Variants in MAP3K7 observed in about 807,000 individuals in gnomAD.
MAP3K7 encodes mitogen-activated protein kinase kinase kinase 7.
Under a neutral mutation model 84.8 loss-of-function variants are expected in MAP3K7, and 21 were observed. The observed-to-expected ratio is 0.25, with a 90% CI of 0.18 to 0.36. MAP3K7 has a LOEUF of 0.36. Among genes scored for constraint, MAP3K7 ranks in the 10% least tolerant of loss-of-function variants. MAP3K7 has a pLI of 1.00. For synonymous variants in MAP3K7, 241 were observed against 247.7 expected (o/e 0.97, Z 0.25); for missense variants, 503 against 747.7 (o/e 0.67, Z 3.82).
chr6:90,560,354 T>TTA (rs1202482683), intron 4 of MAP3K7, 140 bp from the exon 5 acceptor site: 1 of 882,990 alleles, frequency 1.1e-6, no homozygotes, highest in Non-Finnish European at 1.7e-6. Context: ...TTTTAATTTT[T>TTA]TACTTTCTTT....
chr6:90,560,478 C>T (rs1156530786), intron 4 of MAP3K7, among the ~76,000 whole-genome samples: 1 of 152,204 alleles, frequency 6.6e-6, no homozygotes, highest in East Asian at 1.9e-4. Flanking sequence ...TCTCCTGGCT[C>T]AGCCTCCCGA....
intron 12 of MAP3K7, among the ~76,000 whole-genome samples, chr6:90,541,557 C>T (rs62409066): frequency 6.6e-6 from 1 of 151,854 alleles, no homozygotes; most frequent in African/African-American, 2.4e-5. Flanking sequence ...GAAGGGTTAC[C>T]GTACAAAAGT....
intron 13 of MAP3K7, among the ~76,000 whole-genome samples, chr6:90,534,440 C>A (rs1011282428): frequency 6.6e-6 from 1 of 152,142 alleles, no homozygotes; most frequent in Admixed American, 6.6e-5. Flanking sequence ...TGTGGCTACA[C>A]AATGGTCATA....
chr6:90,566,761 C>G (rs1387157270), intron 3 of MAP3K7, among the ~76,000 whole-genome samples: 5 of 152,150 alleles, frequency 3.3e-5, no homozygotes, highest in Non-Finnish European at 1.5e-5. Flanking sequence ...CCAAGACAAT[C>G]CTAAGCCAAA....
At chr6:90,542,354 C>T (rs942091754) in intron 12 of MAP3K7, 1 of 984,052 alleles carries the variant, frequency 1.0e-6, no homozygotes. Flanking sequence ...TGTTTGATAT[C>T]TGAGGGGGGA....
At chr6:90,576,103 C>G (rs1162841019) in intron 1 of MAP3K7, among the ~76,000 whole-genome samples, 1 of 152,024 alleles carries the variant, frequency 6.6e-6, no homozygotes. Flanking sequence ...CAGCTCCAGG[C>G]TGGGCAGTTT....
In MAP3K7 at chr6:90,523,658, T is replaced by A. The variant is rs866871764; in HGVS notation, c.1462+20A>T. On this transcript the variant is annotated intron_variant, in intron 14 of 16. Transcript: ENST00000369329. ...CATGACTGATTCAACTTCATAAGTA[T>A]GAAGAAACAGACTGGTCACCTGTGG... The A allele has an allele frequency of 3.3e-6, 5 of 1,528,380 alleles. No individual in the cohort carries two copies. In the East Asian group the frequency reaches 9.0e-5, roughly 27 times the overall value. 94.7% of individuals were successfully genotyped at this position (1,528,380 alleles called of 1,614,324 possible). A position where few individuals can be genotyped will look rare whatever the true frequency, so the allele number is the denominator to read the frequency against.
intron 8 of MAP3K7, chr6:90,551,794 T>C: frequency 3.2e-6 from 1 of 315,596 alleles, no homozygotes; most frequent in Non-Finnish European, 5.9e-6. Context: ...AACATACTTG[T>C]CCACTAATGT....
intron 16 of MAP3K7, among the ~76,000 whole-genome samples, chr6:90,517,376 T>C (rs1775000024): frequency 6.6e-6 from 1 of 151,264 alleles, no homozygotes; most frequent in African/African-American, 2.4e-5. Context: ...AAATGAATAA[T>C]TAATAAAAAG....
At chr6:90,555,215 T>A (rs1776296609) in intron 6 of MAP3K7, among the ~76,000 whole-genome samples, 2 of 152,176 alleles carry the variant, frequency 1.3e-5, no homozygotes, top group African/African-American at 4.8e-5. Flanking sequence ...AGCTTGACAT[T>A]TATTTGTAAT....
chr6:90,531,120 T>G (rs529588595), intron 13 of MAP3K7, among the ~76,000 whole-genome samples: 21 of 152,254 alleles, frequency 1.4e-4, no homozygotes, highest in African/African-American at 3.8e-4. Context: ...AATTTAAACC[T>G]CAGGGGCAGA....
chr6:90,573,206 G>A (rs974578861), intron 1 of MAP3K7, among the ~76,000 whole-genome samples: 2 of 152,128 alleles, frequency 1.3e-5, no homozygotes, highest in African/African-American at 4.8e-5. Context: ...AGTCTAACAC[G>A]GGAATGTTAC....
chr6:90,554,494 G>A (rs1403616900), intron 6 of MAP3K7, among the ~76,000 whole-genome samples: 1 of 152,176 alleles, frequency 6.6e-6, no homozygotes, highest in Non-Finnish European at 1.5e-5. Flanking sequence ...TCAACTCACT[G>A]TAAGAATGAA....
In MAP3K7 at chr6:90,516,693, T is replaced by TA. The variant is rs1774973890; in HGVS notation, c.1641-13dup. On this transcript the variant is annotated splice_polypyrimidine_tract_variant and intron_variant, in intron 16 of 16. Transcript: ENST00000369329. ...CAACTAGTTCTTGCCTACAAACAAA[T>TA]ACCACATAATATTACACATGATGGA... is the stretch of plus-strand genomic sequence containing the variant. 6.3e-7 allele frequency: 1 copy of TA among 1,584,104 alleles called. No homozygotes were observed. The highest frequency in any genetic ancestry group is 8.6e-7 in the Non-Finnish European group (1 of 1,169,222).
chr6:90,574,513 C>A (rs1045448159), intron 1 of MAP3K7, among the ~76,000 whole-genome samples: 6 of 152,136 alleles, frequency 3.9e-5, no homozygotes, highest in Non-Finnish European at 7.4e-5. Flanking sequence ...GGCATGGAGA[C>A]CAGACTTTAC....
In MAP3K7 at chr6:90,513,834, T is replaced by C. The variant is rs1455385722; in HGVS notation, c.*2667A>G. ...GCTACAGGAGCTGAAATTAGGAACA[T>C]GAAAGAAACTTGAAGAGAGAAGACA... On this transcript the variant is annotated 3_prime_UTR_variant, in exon 17 of 17. Coordinates refer to ENST00000369329, the MANE Select transcript of MAP3K7 (RefSeq NM_145331.3). 6.6e-6 allele frequency: 1 copy of C among 152,020 alleles called. No individual in the cohort carries two copies. The highest frequency in any genetic ancestry group is 1.5e-5 in the Non-Finnish European group (1 of 67,982). 9.4% of individuals were successfully genotyped at this position (152,020 alleles called of 1,614,324 possible).
chr6:90,535,137 GA>G (rs1775627737), intron 13 of MAP3K7, among the ~76,000 whole-genome samples: 1 of 151,948 alleles, frequency 6.6e-6, no homozygotes, highest in African/African-American at 2.4e-5. Context: ...AGCATTTTGT[GA>G]AATAAACATA....
intron 14 of MAP3K7, 61 bp from the exon 15 acceptor site, chr6:90,519,380 AGAAAGCAT>A: frequency 9.2e-7 from 1 of 1,091,028 alleles, no homozygotes; most frequent in Non-Finnish European, 1.3e-6. Flanking sequence ...ACGAACAGCA[AGAAAGCAT>A]GAATGAAATG....
intron 1 of MAP3K7, 37 bp from the exon 2 acceptor site, chr6:90,571,844 C>A: frequency 8.2e-7 from 1 of 1,214,928 alleles, no homozygotes; most frequent in South Asian, 1.4e-5. Flanking sequence ...AAACAAAAAA[C>A]ACCACAAGAA....
Sources: allele counts gnomAD v4.1 joint callset (sites outside exome capture counted in the v4.1 genomes callset), GRCh38; gene constraint gnomAD v4.1.1; transcripts MANE v1.5; gene names NCBI Gene and HGNC (gene_info 2026-07-23, HGNC 2026-07-21).